Variants in DNAH7 observed in about 807,000 individuals in gnomAD.
DNAH7 encodes axonemal beta dynein heavy chain 7.
DNAH7 carries 397 observed loss-of-function variants against 444.6 expected under a neutral mutation model. That is an observed-to-expected ratio of 0.89 (90% CI 0.82 to 0.97). The LOEUF (loss-of-function observed/expected upper bound fraction) is 0.97, where lower values mean the gene tolerates loss of function less well. Among genes scored for constraint, DNAH7 ranks in the 50% least tolerant of loss-of-function variants. The pLI, the probability that DNAH7 is intolerant of heterozygous loss-of-function variation, is 0.00. For synonymous variants in DNAH7, 1,636 were observed against 1,624.4 expected, an observed-to-expected ratio of 1.01 and a Z score of -0.17; for missense variants, 4,902 against 4,800.8, an observed-to-expected ratio of 1.02 and a Z score of -0.62.
intron 12 of DNAH7, among the ~76,000 whole-genome samples, chr2:195,999,414 C>T (rs1344576900): frequency 6.6e-6 from 1 of 152,100 alleles, no homozygotes; most frequent in Non-Finnish European, 1.5e-5. Context: ...GCACCTGTCA[C>T]AAGAATATGG....
chr2:195,751,074 A>G (rs1015520120), intron 63 of DNAH7, among the ~76,000 whole-genome samples: 1 of 152,168 alleles, frequency 6.6e-6, no homozygotes, highest in African/African-American at 2.4e-5. Flanking sequence ...ACTTAGCAGA[A>G]GGTTGTTAAA....
At chr2:195,990,799 GTGTGTGTGTGTGTA>G (rs1181512549) in intron 12 of DNAH7, among the ~76,000 whole-genome samples, 7 of 143,790 alleles carry the variant, frequency 4.9e-5, no homozygotes, top group African/African-American at 1.5e-4. Context: ...GTGTGTGTGT[GTGTGTGTGTGTGTA>G]TATATATATA....
intron 19 of DNAH7, among the ~76,000 whole-genome samples, chr2:195,949,673 C>T (rs1226558827): frequency 5.3e-5 from 8 of 152,260 alleles, no homozygotes; most frequent in Admixed American, 2.0e-4. Flanking sequence ...GCATCTTTGT[C>T]TTGTGCCGGT....
chr2:195,833,356 ATAAT>A (rs1270373106), intron 48 of DNAH7, among the ~76,000 whole-genome samples: 3 of 152,230 alleles, frequency 2.0e-5, no homozygotes, highest in African/African-American at 7.2e-5. Context: ...GCCTAAAACT[ATAAT>A]TAATATTTGA....
Position 195,794,506 on chromosome 2 carries a change from G to C in DNAH7, c.10548C>G (p.Phe3516Leu). 1 of 1,614,166 alleles carries C rather than the reference G, an allele frequency of 6.2e-7. No individual in the cohort carries two copies. The highest frequency in any genetic ancestry group is 8.5e-7 in the Non-Finnish European group (1 of 1,180,014). Residue 3516 changes from phenylalanine to leucine, a missense_variant, in exon 57 of 65, where the codon TTC (phenylalanine) becomes TTG (leucine). Physicochemically the swap from Phe to Leu is conservative, Grantham distance 22 (BLOSUM62 0). Coordinates refer to ENST00000312428, the MANE Select transcript of DNAH7 (RefSeq NM_018897.3). The stretch of plus-strand genomic sequence containing the variant: ...ATGGGTAACTCGTTAGCCACATTCG[G>C]AAATCTGGATGTGTTGACTCTGGGC... ...ELSPESTHPD[F>L]RMWLTSYPSP...
chr2:195,864,765 TCTA>T lies in DNAH7; in HGVS notation c.6887_6889del (p.Val2296del). The stretch of plus-strand genomic sequence containing the variant: ...ATTGTTGTATTCTTCTAGGTGAATT[TCTA>T]CTATCATTCGAAGATTATCCACATC... On this transcript the variant is annotated inframe_deletion, in exon 41 of 65. Coordinates refer to ENST00000312428, the MANE Select transcript of DNAH7 (RefSeq NM_018897.3). 6.2e-7 allele frequency: 1 copy of T among 1,614,240 alleles called. No homozygotes were observed. Among genetic ancestry groups the T allele is most frequent in the Non-Finnish European group, 8.5e-7 (1 of 1,180,034 alleles).
intron 25 of DNAH7, among the ~76,000 whole-genome samples, chr2:195,909,584 A>T (rs1687234974): frequency 6.6e-6 from 1 of 152,188 alleles, no homozygotes; most frequent in African/African-American, 2.4e-5. Context: ...AATTTTTAAA[A>T]ATAAAAACAA....
intron 60 of DNAH7, among the ~76,000 whole-genome samples, chr2:195,772,844 G>C (rs1167502471): frequency 6.8e-6 from 1 of 147,998 alleles, no homozygotes; most frequent in Non-Finnish European, 1.5e-5. Flanking sequence ...GCCGTGGCAC[G>C]ATTTCCGTTC....
chr2:195,942,213 A>G (rs1165244495), intron 19 of DNAH7, among the ~76,000 whole-genome samples: 2 of 152,132 alleles, frequency 1.3e-5, no homozygotes, highest in East Asian at 1.9e-4. Flanking sequence ...GCCTCTTTAT[A>G]AAGGTAATAT....
chr2:195,928,354 T>C (rs780613573), intron 21 of DNAH7, among the ~76,000 whole-genome samples: 7 of 152,122 alleles, frequency 4.6e-5, no homozygotes, highest in Non-Finnish European at 1.0e-4. Flanking sequence ...ACTTTGACAA[T>C]CAAAATTAAA....
chr2:195,897,142 GA>G (rs1702367515), intron 29 of DNAH7, among the ~76,000 whole-genome samples: 1 of 152,138 alleles, frequency 6.6e-6, no homozygotes, highest in South Asian at 2.1e-4. Context: ...AGGATATTAT[GA>G]AAACTTTAAC....
intron 17 of DNAH7, among the ~76,000 whole-genome samples, chr2:195,968,998 T>C (rs1281038110): frequency 6.6e-6 from 1 of 152,248 alleles, no homozygotes; most frequent in Admixed American, 6.5e-5. Flanking sequence ...TGGGTGTTAT[T>C]GGGGAATGCG....
chr2:195,869,745 GA>G (rs1306676156), intron 40 of DNAH7, among the ~76,000 whole-genome samples: 1 of 152,164 alleles, frequency 6.6e-6, no homozygotes, highest in African/African-American at 2.4e-5. Context: ...GAGGCAGCCT[GA>G]GGGGAACAGG....
intron 64 of DNAH7, 120 bp downstream of exon 64, chr2:195,740,638 TATATATAC>T (rs1421893234): frequency 0.011 from 1,084 of 95,216 alleles, 6 homozygotes; most frequent in African/African-American, 0.059. Context: ...TATATATATA[TATATATAC>T]ATATACACAC....
At chr2:196,038,504 T>C (rs915740206) in intron 5 of DNAH7, among the ~76,000 whole-genome samples, 15 of 152,110 alleles carry the variant, frequency 9.9e-5, no homozygotes, top group Non-Finnish European at 2.2e-4. Flanking sequence ...CTTTAATATA[T>C]ATAAACAGTT....
chr2:196,015,931 A>G (rs1470984356), intron 9 of DNAH7, among the ~76,000 whole-genome samples: 1 of 152,186 alleles, frequency 6.6e-6, no homozygotes, highest in Non-Finnish European at 1.5e-5. Flanking sequence ...GAGCTTGTGG[A>G]GCTCTTCTTT....
chr2:196,068,763 C>T lies in DNAH7; in HGVS notation c.-52G>A. The T allele has an allele frequency of 6.5e-7, 1 of 1,548,412 alleles. No individual in the cohort carries two copies. Among genetic ancestry groups the T allele is most frequent in the South Asian group, 1.2e-5 (1 of 83,722 alleles). ...GGTGCTTCTGGGTTGCTCCTGCCCG[C>T]GGAACCCCTAGGACGATAGAGGCAG... is the stretch of plus-strand genomic sequence containing the variant. On this transcript the variant is annotated 5_prime_UTR_variant, in exon 1 of 65. Transcript: ENST00000312428.
intron 21 of DNAH7, among the ~76,000 whole-genome samples, chr2:195,931,155 C>A (rs1219270484): frequency 6.6e-6 from 1 of 152,116 alleles, no homozygotes; most frequent in Non-Finnish European, 1.5e-5. Flanking sequence ...ATGTAACAAA[C>A]CTGCACATGT....
chr2:195,877,060 C>T (rs147721816), intron 36 of DNAH7, among the ~76,000 whole-genome samples: 70 of 152,266 alleles, frequency 4.6e-4, no homozygotes, highest in Non-Finnish European at 4.0e-4. Context: ...ATCTTATTAT[C>T]TTTCCACTTA....
Sources: gnomAD v4.1 joint callset for allele counts (sites outside exome capture counted in the v4.1 genomes callset) on GRCh38, gnomAD v4.1.1 for gene constraint, MANE v1.5 for transcripts, NCBI Gene and HGNC (gene_info 2026-07-23, HGNC 2026-07-21) for gene names.